The following TRPC6 variants were observed in gnomAD, a reference collection of about 807,000 sequenced individuals.
The protein encoded by TRPC6 is short transient receptor potential channel 6.
A neutral mutation model predicts 90.7 loss-of-function variants in TRPC6; 55 were observed. The ratio of observed to expected loss-of-function variants is 0.61; its 90% CI spans 0.49 to 0.76. The LOEUF (loss-of-function observed/expected upper bound fraction) is 0.76. TRPC6 is among the 30% of genes least tolerant of loss of function. TRPC6 has a pLI of 0.00. For synonymous variants in TRPC6, 393 were observed against 393.0 expected (o/e 1.00, Z 0.00); for missense variants, 989 against 1,122.7 (o/e 0.88, Z 1.70).
chr11:101,518,637 T>A (rs1177698510), intron 1 of TRPC6, among the ~76,000 whole-genome samples: 1 of 152,156 alleles, frequency 6.6e-6, no homozygotes, highest in Non-Finnish European at 1.5e-5. Flanking sequence ...TGGAGGTTCC[T>A]CAAAAAACTA....
chr11:101,531,492 A>C (rs1394674649), intron 1 of TRPC6, among the ~76,000 whole-genome samples: 1 of 152,230 alleles, frequency 6.6e-6, no homozygotes, highest in Non-Finnish European at 1.5e-5. Flanking sequence ...GAAAGACTGT[A>C]TTAGTACATA....
chr11:101,490,569 C>T (rs115148078), intron 3 of TRPC6, among the ~76,000 whole-genome samples: 3,190 of 152,288 alleles, frequency 0.021, 48 homozygotes, highest in Non-Finnish European at 0.025. Context: ...GATCCTCCCA[C>T]TGCAGTCTCC....
chr11:101,559,483 T>C (rs1485865914), intron 1 of TRPC6, among the ~76,000 whole-genome samples: 3 of 152,114 alleles, frequency 2.0e-5, no homozygotes, highest in African/African-American at 4.8e-5. Context: ...ATAATGATCA[T>C]GACATATCAT....
At chr11:101,487,168 C>T (rs979509777) in intron 4 of TRPC6, among the ~76,000 whole-genome samples, 34 of 151,950 alleles carry the variant, frequency 2.2e-4, no homozygotes, top group Non-Finnish European at 4.9e-4. Flanking sequence ...ATTATGCTTT[C>T]GAACACACTG....
At position 101,510,299 on chromosome 11, in the gene TRPC6, C is replaced by G. The variant is rs1370279421; in HGVS notation, c.171-5501G>C. On this transcript the variant is annotated intron_variant, in intron 1 of 12. Coordinates refer to ENST00000344327, the MANE Select transcript of TRPC6 (RefSeq NM_004621.6). ...TGTTACTAGATTATATTACAAACCT[C>G]TCTGCAAATGGTTTTTATAAAACTA... Among the ~76,000 whole-genome samples the G allele has an allele frequency of 2.6e-5, 4 of 152,250 alleles. 1 individual carries two copies. In the South Asian group the frequency reaches 8.3e-4, roughly 32 times the overall value.
chr11:101,572,859 G>A (rs971664905), intron 1 of TRPC6, among the ~76,000 whole-genome samples: 2 of 152,100 alleles, frequency 1.3e-5, no homozygotes, highest in East Asian at 3.9e-4. Flanking sequence ...GGCCTTTCAG[G>A]GGGTGAGGGG....
chr11:101,560,299 A>T (rs1346777590), intron 1 of TRPC6, among the ~76,000 whole-genome samples: 2 of 84,170 alleles, frequency 2.4e-5, no homozygotes, highest in African/African-American at 8.1e-5. Context: ...GCTTCTCTTT[A>T]AAAAAAAAAA....
At chr11:101,502,531 T>C (rs1310693140) in intron 2 of TRPC6, among the ~76,000 whole-genome samples, 3 of 152,188 alleles carry the variant, frequency 2.0e-5, no homozygotes, top group African/African-American at 4.8e-5. Flanking sequence ...AAGGATACAG[T>C]AAAGGAAACA....
intron 2 of TRPC6, among the ~76,000 whole-genome samples, chr11:101,501,822 A>G (rs1458596715): frequency 6.6e-6 from 1 of 152,158 alleles, no homozygotes; most frequent in African/African-American, 2.4e-5. Context: ...AAAAATTGTC[A>G]AGTTCTAGGA....
intron 1 of TRPC6, among the ~76,000 whole-genome samples, chr11:101,582,327 G>C (rs1235198769): frequency 6.6e-6 from 1 of 152,108 alleles, no homozygotes; most frequent in Non-Finnish European, 1.5e-5. Flanking sequence ...GGCGCCTATG[G>C]GGTGGAATCC....
At chr11:101,571,605 C>T (rs891567510) in intron 1 of TRPC6, among the ~76,000 whole-genome samples, 4 of 152,176 alleles carry the variant, frequency 2.6e-5, no homozygotes, top group African/African-American at 9.7e-5. Flanking sequence ...CATCACGCTA[C>T]CTGACTTCAA....
intron 1 of TRPC6, among the ~76,000 whole-genome samples, chr11:101,538,118 T>A (rs1861093402): frequency 6.6e-6 from 1 of 152,134 alleles, no homozygotes; most frequent in Admixed American, 6.5e-5. Flanking sequence ...ATTTTTAAAA[T>A]TTTTTTACTT....
intron 1 of TRPC6, chr11:101,583,027 T>G (rs1296800508): frequency 9.7e-6 from 3 of 308,256 alleles, no homozygotes; most frequent in African/African-American, 6.8e-5. Context: ...TGAAGGGGTC[T>G]GGAGAAATCG....
chr11:101,462,897 G>A (rs1001947052), intron 10 of TRPC6, among the ~76,000 whole-genome samples: 6 of 152,102 alleles, frequency 3.9e-5, no homozygotes, highest in African/African-American at 1.2e-4. Flanking sequence ...GATTTTCAAA[G>A]GGAATGGTTC....
intron 1 of TRPC6, among the ~76,000 whole-genome samples, chr11:101,548,587 T>C (rs1429120418): frequency 2.1e-5 from 3 of 139,782 alleles, no homozygotes. Context: ...AATCCAATTC[T>C]ATTTTTTAAT....
At chr11:101,472,969 TG>T (rs1278835383) in intron 7 of TRPC6, among the ~76,000 whole-genome samples, 1 of 130,242 alleles carries the variant, frequency 7.7e-6, no homozygotes, top group Non-Finnish European at 1.6e-5. Context: ...ACACACTTTA[TG>T]AAAAAAAAAA....
At chr11:101,515,891 A>G (rs1208411316) in intron 1 of TRPC6, among the ~76,000 whole-genome samples, 1 of 152,154 alleles carries the variant, frequency 6.6e-6, no homozygotes, top group Admixed American at 6.5e-5. Flanking sequence ...CACTAAGGCT[A>G]GGAGGATGGA....
At chr11:101,462,275 G>A (rs1399957367) in intron 10 of TRPC6, among the ~76,000 whole-genome samples, 1 of 152,156 alleles carries the variant, frequency 6.6e-6, no homozygotes, top group Non-Finnish European at 1.5e-5. Flanking sequence ...TTTTTGCTTA[G>A]GATTGTCTAG....
intron 10 of TRPC6, among the ~76,000 whole-genome samples, chr11:101,462,233 A>G (rs193167149): frequency 3.3e-5 from 5 of 152,244 alleles, no homozygotes; most frequent in Admixed American, 2.0e-4. Flanking sequence ...GTATAGTTTG[A>G]AGTCAGGAGC....
Sources: gnomAD v4.1 joint callset for allele counts (sites outside exome capture counted in the v4.1 genomes callset) on GRCh38, gnomAD v4.1.1 for gene constraint, MANE v1.5 for transcripts, NCBI Gene and HGNC (gene_info 2026-07-23, HGNC 2026-07-21) for gene names.